FGF13: variants seen among roughly 807,000 people sequenced by gnomAD.
FGF13 encodes the protein fibroblast growth factor 13.
Under a neutral mutation model 19.5 loss-of-function variants are expected in FGF13, and 2 were observed. The ratio of observed to expected loss-of-function variants is 0.10; its 90% confidence interval spans 0.04 to 0.32. The LOEUF is 0.32. Among genes scored for constraint, FGF13 ranks in the 10% least tolerant of loss-of-function variants. FGF13 has a pLI of 1.00. For synonymous variants in FGF13, 72 were observed against 76.9 expected (o/e 0.94, Z 0.33); for missense variants, 113 against 192.7 (o/e 0.59, Z 2.45).
At chrX:138,907,088 G>A (rs1018865917) in intron 1 of FGF13, among the ~76,000 whole-genome samples, 11 of 111,471 alleles carry the variant, frequency 9.9e-5, no homozygotes. Flanking sequence ...TAGGACGGTA[G>A]AGTTAGCTCC....
intron 1 of FGF13, among the ~76,000 whole-genome samples, chrX:139,003,446 G>A (rs191372371): frequency 2.1e-4 from 23 of 111,817 alleles, no homozygotes; most frequent in Admixed American, 1.8e-3. Flanking sequence ...AAGGGGACCC[G>A]AACGTGTTGC....
intron 1 of FGF13, among the ~76,000 whole-genome samples, chrX:138,864,870 T>G (rs139237510): frequency 9.0e-6 from 1 of 111,348 alleles, no homozygotes; most frequent in Non-Finnish European, 1.9e-5. Flanking sequence ...ATCAGGAGAG[T>G]TGACATCAGC....
chrX:138,947,048 G>T (rs927013519), intron 1 of FGF13, among the ~76,000 whole-genome samples: 1 of 111,832 alleles, frequency 8.9e-6, no homozygotes, highest in Non-Finnish European at 1.9e-5. Flanking sequence ...TGGCTAAAAG[G>T]GCTCTCTGCA....
intron 3 of FGF13, among the ~76,000 whole-genome samples, chrX:138,808,787 C>A (rs1359935605): frequency 8.9e-6 from 1 of 111,841 alleles, no homozygotes; most frequent in Non-Finnish European, 1.9e-5. Context: ...CACAGAAATA[C>A]AAACTACCAT....
intron 3 of FGF13, among the ~76,000 whole-genome samples, chrX:138,773,481 A>G (rs1361078265): frequency 8.9e-6 from 1 of 112,299 alleles, no homozygotes; most frequent in Non-Finnish European, 1.9e-5. Flanking sequence ...AACACTCATG[A>G]CTACAGCCCA....
rs1355754274 is a variant in FGF13, at chrX:138,873,279, AAG to A, written c.-112-8631_-112-8630del. 1.8e-5 allele frequency among the ~76,000 whole-genome samples: 2 copies of A among 111,478 alleles called. 1 individual carries two copies. The highest frequency in any genetic ancestry group is 5.7e-4 in the East Asian group (2 of 3,530). On this transcript the variant is annotated intron_variant, in intron 1 of 2. Transcript: ENST00000421460. The stretch of plus-strand genomic sequence containing the variant: ...ATGGTAAAAACACCAGGTAGAAGGA[AAG>A]AGAGAGGTGAGGGAGTGCCGGTTTG...
intron 3 of FGF13, among the ~76,000 whole-genome samples, chrX:138,781,075 A>G (rs1462025984): frequency 2.7e-5 from 3 of 111,392 alleles, no homozygotes; most frequent in Non-Finnish European, 3.8e-5. Context: ...TACTGGGTAC[A>G]TAACGAAATG....
At chrX:138,903,765 T>C (rs1257991017) in intron 1 of FGF13, among the ~76,000 whole-genome samples, 5 of 111,849 alleles carry the variant, frequency 4.5e-5, no homozygotes, top group African/African-American at 1.3e-4. Context: ...AGCATTTATT[T>C]TAAACTAAAT....
intron 2 of FGF13, 111 bp downstream of exon 2, chrX:138,708,707 T>C (rs978415981): frequency 2.3e-5 from 12 of 524,299 alleles, no homozygotes; most frequent in Non-Finnish European, 3.9e-5. Context: ...GTAGTGTGAA[T>C]ATATTTTGCA....
chrX:139,148,830 TCA>T (rs2083910778), intron 1 of FGF13, among the ~76,000 whole-genome samples: 1 of 110,834 alleles, frequency 9.0e-6, no homozygotes, highest in Non-Finnish European at 1.9e-5. Flanking sequence ...CCCTACCAGC[TCA>T]CAGAGGCTTG....
intron 1 of FGF13, among the ~76,000 whole-genome samples, chrX:139,200,317 A>G (rs1192147144): frequency 1.8e-5 from 2 of 112,366 alleles, no homozygotes; most frequent in Admixed American, 9.4e-5. Context: ...GATCAAGATG[A>G]TCTTTTGGAA....
intron 3 of FGF13, among the ~76,000 whole-genome samples, chrX:138,835,126 T>G (rs956386460): frequency 8.9e-6 from 1 of 111,785 alleles, no homozygotes; most frequent in African/African-American, 3.3e-5. Flanking sequence ...AGAACGTATA[T>G]TCTATTGTTT....
chrX:138,723,329 TCTC>T (rs1197211666), intron 1 of FGF13, among the ~76,000 whole-genome samples: 1 of 111,996 alleles, frequency 8.9e-6, no homozygotes, highest in African/African-American at 3.2e-5. Context: ...TGGGAATACT[TCTC>T]CTTTCCTCAG....
At chrX:138,973,639 T>C (rs1363620449) in intron 1 of FGF13, among the ~76,000 whole-genome samples, 1 of 111,695 alleles carries the variant, frequency 9.0e-6, no homozygotes, top group African/African-American at 3.3e-5. Context: ...CCCTTTTAGG[T>C]CTATTAATTT....
In FGF13 at chrX:138,971,728, A is replaced by G. The variant is rs193010957; in HGVS notation, c.-112-107078T>C. Among the ~76,000 whole-genome samples the G allele has an allele frequency of 7.3e-3, 816 of 111,430 alleles. 23 individuals are homozygous for G. The highest frequency in any genetic ancestry group is 0.073 in the Admixed American group (760 of 10,474). On this transcript the variant is annotated intron_variant, in intron 1 of 2. Coordinates refer to the FGF13 transcript ENST00000421460. Reference sequence around the variant, plus strand: ...AACAGGTGATTTCTTTGTGGTATGAACTCAAAATCCGCTATTTTGAAGTAT... The same window carrying G: ...AACAGGTGATTTCTTTGTGGTATGAGCTCAAAATCCGCTATTTTGAAGTAT...
rs186294521 is a variant in FGF13, at chrX:138,618,237, A to G, written c.*14613T>C. ...AAAAGAACCAGAAAATAGTTTCACT[A>G]CTTATGTCAACCGTCTCTCAAGCTA... On this transcript the variant is annotated 3_prime_UTR_variant, in exon 5 of 5. Coordinates refer to ENST00000315930, the MANE Select transcript of FGF13 (RefSeq NM_004114.5). The G allele has an allele frequency of 1.8e-5, 2 of 111,165 alleles. No homozygotes were observed. Among genetic ancestry groups the G allele is most frequent in the Admixed American group, 1.9e-4 (2 of 10,412 alleles). 9.2% of individuals were successfully genotyped at this position (111,165 alleles called of 1,213,427 possible).
At chrX:139,164,497 G>A (rs2084063150) in intron 1 of FGF13, among the ~76,000 whole-genome samples, 1 of 109,703 alleles carries the variant, frequency 9.1e-6, no homozygotes, top group African/African-American at 3.4e-5. Context: ...TTCGAGAGCA[G>A]CTTGGGCAAC....
At chrX:138,769,740 T>C (rs969689705) in intron 3 of FGF13, among the ~76,000 whole-genome samples, 3 of 111,946 alleles carry the variant, frequency 2.7e-5, no homozygotes, top group Non-Finnish European at 1.9e-5. Context: ...GAATACAAAT[T>C]ATTGTTGCCG....
intron 1 of FGF13, among the ~76,000 whole-genome samples, chrX:139,090,933 C>A (rs979555192): frequency 1.1e-5 from 1 of 88,434 alleles, no homozygotes; most frequent in Non-Finnish European, 2.1e-5. Context: ...AAGAGGGAGA[C>A]CCTGTCTCAA....
Sources: allele counts gnomAD v4.1 joint callset (sites outside exome capture counted in the v4.1 genomes callset), GRCh38; gene constraint gnomAD v4.1.1; transcripts MANE v1.5; gene names NCBI Gene and HGNC (gene_info 2026-07-23, HGNC 2026-07-21).